IKZF3: variants seen among roughly 807,000 people sequenced by gnomAD.
IKZF3 encodes zinc finger protein Aiolos.
A neutral mutation model predicts 49.0 loss-of-function variants in IKZF3; 10 were observed. The observed-to-expected ratio is 0.20, with a 90% CI of 0.13 to 0.35. IKZF3 has a LOEUF of 0.35. Ranked by LOEUF, IKZF3 falls within the 10% of genes least tolerant of loss-of-function variation. The pLI, the probability that IKZF3 is intolerant of heterozygous loss-of-function variation, is 1.00. For missense variants in IKZF3, 498 were observed against 664.8 expected (o/e 0.75, Z 2.76); for synonymous variants, 209 against 228.2 (o/e 0.92, Z 0.76).
At chr17:39,857,239 A>G (rs1045259301) in intron 1 of IKZF3, among the ~76,000 whole-genome samples, 2 of 152,200 alleles carry the variant, frequency 1.3e-5, no homozygotes, top group Non-Finnish European at 2.9e-5. Context: ...ATGTAATTCC[A>G]TATCCATAAA....
At chr17:39,774,701 G>T (rs1448647572) in intron 7 of IKZF3, among the ~76,000 whole-genome samples, 1 of 152,130 alleles carries the variant, frequency 6.6e-6, no homozygotes, top group East Asian at 1.9e-4. Flanking sequence ...CCATATATAT[G>T]ACAGGAACTC....
intron 3 of IKZF3, among the ~76,000 whole-genome samples, chr17:39,826,384 G>C (rs1007883892): frequency 6.6e-6 from 1 of 152,162 alleles, no homozygotes; most frequent in Non-Finnish European, 1.5e-5. Flanking sequence ...ATCCTGTTTG[G>C]AACACCACAA....
intron 1 of IKZF3, among the ~76,000 whole-genome samples, chr17:39,846,510 A>C (rs187828155): frequency 7.6e-6 from 1 of 131,776 alleles, no homozygotes; most frequent in Non-Finnish European, 1.6e-5. Flanking sequence ...TTTTTTTCAG[A>C]GTTTCTAACA....
chr17:39,798,650 C>A (rs551616141), intron 3 of IKZF3, among the ~76,000 whole-genome samples: 29 of 152,116 alleles, frequency 1.9e-4, no homozygotes, highest in Non-Finnish European at 7.4e-5. Flanking sequence ...GGACTACAGG[C>A]GCCCACCACC....
intron 3 of IKZF3, among the ~76,000 whole-genome samples, chr17:39,800,688 G>A (rs951795486): frequency 2.0e-5 from 3 of 152,148 alleles, no homozygotes; most frequent in African/African-American, 4.8e-5. Context: ...TTTGTAGGCT[G>A]AAGAGAACAA....
chr17:39,857,962 T>TA (rs35840686), intron 1 of IKZF3, among the ~76,000 whole-genome samples: 5,997 of 117,032 alleles, frequency 0.051, 223 homozygotes, highest in African/African-American at 0.12. Flanking sequence ...TCTCAAAAAT[T>TA]AAAAAAAAAA....
At chr17:39,857,101 AGTCTAG>A (rs1433126773) in intron 1 of IKZF3, among the ~76,000 whole-genome samples, 1 of 152,188 alleles carries the variant, frequency 6.6e-6, no homozygotes, top group African/African-American at 2.4e-5. Context: ...GATTTTTAGC[AGTCTAG>A]GTCAAGGGAT....
chr17:39,854,334 G>T (rs2062976750), intron 1 of IKZF3, among the ~76,000 whole-genome samples: 3 of 150,346 alleles, frequency 2.0e-5, no homozygotes, highest in Non-Finnish European at 4.4e-5. Context: ...AACAAGCAAG[G>T]AAATAAAATT....
At position 39,759,410 on chromosome 17, in the gene IKZF3, C is replaced by CGA. The variant is rs1027141936; in HGVS notation, c.*6378_*6379dup. 2 of 151,250 alleles carry CGA rather than the reference C, an allele frequency of 1.3e-5. No individual in the cohort carries two copies. The highest frequency in any genetic ancestry group is 4.9e-5 in the African/African-American group (2 of 41,082). 9.4% of individuals were successfully genotyped at this position (151,250 alleles called of 1,614,324 possible). A position where few individuals can be genotyped will look rare whatever the true frequency, so the allele number is the denominator to read the frequency against. ...CTGCACTCAGCCTGGGGAAACAGAG[C>CGA]GAGACTTTGTCTCAAAAAGAAAAAA... is the stretch of plus-strand genomic sequence containing the variant. On this transcript the variant is annotated 3_prime_UTR_variant, in exon 8 of 8. Transcript: ENST00000346872.
chr17:39,857,013 A>G (rs929348459), intron 1 of IKZF3, among the ~76,000 whole-genome samples: 7 of 152,154 alleles, frequency 4.6e-5, no homozygotes, highest in Admixed American at 3.9e-4. Flanking sequence ...TTCAAATGAA[A>G]TTTAAATCAA....
At chr17:39,782,846 T>A (rs567035479) in intron 6 of IKZF3, among the ~76,000 whole-genome samples, 1 of 152,318 alleles carries the variant, frequency 6.6e-6, no homozygotes, top group South Asian at 2.1e-4. Context: ...TCCCTTCACA[T>A]TGCTTGCCTA....
chr17:39,840,955 T>C (rs751870501), intron 1 of IKZF3, among the ~76,000 whole-genome samples: 78 of 152,232 alleles, frequency 5.1e-4, no homozygotes, highest in Non-Finnish European at 9.7e-4. Flanking sequence ...GGTGGGCAGG[T>C]TGCTTGAGCC....
In IKZF3 at chr17:39,792,384, C is replaced by T. The variant is rs12936634; in HGVS notation, c.424+289G>A. On this transcript the variant is annotated intron_variant, in intron 4 of 7. Transcript: ENST00000346872. ...TACAAAAGATGGCTAAGAAGCAAAT[C>T]ACACAATTCAACTCCTACTTAGAAA... 7.0e-3 allele frequency among the ~76,000 whole-genome samples: 1,067 copies of T among 152,250 alleles called. 14 individuals are homozygous for T. Among genetic ancestry groups the T allele is most frequent in the African/African-American group, 0.025 (1,024 of 41,556 alleles).
chr17:39,829,792 A>G lies in IKZF3; in HGVS notation c.62-304T>C, dbSNP rs190496293. 8.8e-4 allele frequency among the ~76,000 whole-genome samples: 134 copies of G among 152,230 alleles called. 1 individual carries two copies. Among genetic ancestry groups the G allele is most frequent in the Non-Finnish European group, 5.7e-4 (39 of 68,006 alleles). On this transcript the variant is annotated intron_variant, in intron 2 of 7. Coordinates refer to ENST00000346872, the MANE Select transcript of IKZF3 (RefSeq NM_012481.5). ...CATGGTGAAACCCCATCTCTACTAA[A>G]AATACAAAAATTAGTTGGGCATGGC...
chr17:39,771,208 T>C (rs78606840), intron 7 of IKZF3, among the ~76,000 whole-genome samples: 3,040 of 152,274 alleles, frequency 0.02, 114 homozygotes, highest in African/African-American at 0.07. Flanking sequence ...TTTTCTGCTG[T>C]GATGGTTCCC....
At chr17:39,844,098 A>G (rs1209766332) in intron 1 of IKZF3, among the ~76,000 whole-genome samples, 1 of 152,188 alleles carries the variant, frequency 6.6e-6, no homozygotes, top group Non-Finnish European at 1.5e-5. Flanking sequence ...GTCCCCCCTA[A>G]CAAATCCACA....
At position 39,823,002 on chromosome 17, in the gene IKZF3, C is replaced by A. The variant is rs561687374; in HGVS notation, c.163+6385G>T. ...AGCAACTTTGGAACTGGGTAAAAGA[C>A]AGAGGTTGGAACAGTTTGGAGGGCT... On this transcript the variant is annotated intron_variant, in intron 3 of 7. Coordinates refer to ENST00000346872, the MANE Select transcript of IKZF3 (RefSeq NM_012481.5). Among the ~76,000 whole-genome samples, 3 of 152,122 alleles carry A rather than the reference C, an allele frequency of 2.0e-5. No individual in the cohort carries two copies. The South Asian group carries it at 6.2e-4, about 32-fold the overall frequency.
Position 39,841,956 on chromosome 17 carries a change from G to A in IKZF3, c.8-9805C>T, listed in dbSNP as rs1424981307. ...AGCTACTCAGGAGGCTGAAGCAGGA[G>A]AATCACTTGAACTCACAAGTTCAAG... On this transcript the variant is annotated intron_variant, in intron 1 of 7. Coordinates refer to ENST00000346872, the MANE Select transcript of IKZF3 (RefSeq NM_012481.5). Among the ~76,000 whole-genome samples the A allele has an allele frequency of 2.2e-5, 3 of 134,118 alleles. No individual in the cohort carries two copies. The South Asian group carries it at 7.5e-4, about 34-fold the overall frequency. 88.0% of individuals were successfully genotyped at this position (134,118 alleles called of 152,430 possible).
At chr17:39,814,352 A>G in intron 3 of IKZF3, among the ~76,000 whole-genome samples, 1 of 152,124 alleles carries the variant, frequency 6.6e-6, no homozygotes, top group East Asian at 1.9e-4. Context: ...AAATACATAC[A>G]CCGATTGATC....
Sources: gnomAD v4.1 joint callset for allele counts (sites outside exome capture counted in the v4.1 genomes callset) on GRCh38, gnomAD v4.1.1 for gene constraint, MANE v1.5 for transcripts, NCBI Gene and HGNC (gene_info 2026-07-23, HGNC 2026-07-21) for gene names.